INPP4B: variants seen among roughly 807,000 people sequenced by gnomAD.
INPP4B encodes inositol polyphosphate 4-phosphatase type II.
INPP4B carries 55 observed loss-of-function variants against 122.5 expected under a neutral mutation model. The ratio of observed to expected loss-of-function variants is 0.45; its 90% CI spans 0.36 to 0.56. The LOEUF is 0.56. Ranked by LOEUF, INPP4B falls within the 20% of genes least tolerant of loss-of-function variation. The pLI is 0.00. For synonymous variants in INPP4B, 403 were observed against 388.7 expected, an observed-to-expected ratio of 1.04 and a Z score of -0.43; for missense variants, 1,000 against 1,097.7, an observed-to-expected ratio of 0.91 and a Z score of 1.26.
At chr4:142,834,145 T>A (rs971183104) in intron 1 of INPP4B, among the ~76,000 whole-genome samples, 1 of 152,186 alleles carries the variant, frequency 6.6e-6, no homozygotes, top group African/African-American at 2.4e-5. Flanking sequence ...GATATTTTTA[T>A]GTGGTTTTAC....
intron 9 of INPP4B, among the ~76,000 whole-genome samples, chr4:142,275,855 T>G (rs191209308): frequency 6.6e-6 from 1 of 151,692 alleles, no homozygotes; most frequent in African/African-American, 2.4e-5. Flanking sequence ...TTAACTCTCC[T>G]TTTATGAAGA....
chr4:142,623,168 T>C (rs187911573), intron 2 of INPP4B, among the ~76,000 whole-genome samples: 3 of 151,954 alleles, frequency 2.0e-5, no homozygotes, highest in Non-Finnish European at 4.4e-5. Context: ...GTCGCAAATA[T>C]ACACAGAGTC....
chr4:142,417,807 G>T (rs540268518), intron 5 of INPP4B, among the ~76,000 whole-genome samples: 1 of 152,208 alleles, frequency 6.6e-6, no homozygotes, highest in Non-Finnish European at 1.5e-5. Context: ...TCTCAGGCTG[G>T]CAGTCCAAAT....
At chr4:142,191,397 C>T (rs1267485910) in intron 15 of INPP4B, among the ~76,000 whole-genome samples, 1 of 152,132 alleles carries the variant, frequency 6.6e-6, no homozygotes, top group East Asian at 1.9e-4. Flanking sequence ...AAATGTCATG[C>T]TCCTCCCCCA....
chr4:142,171,890 T>A (rs1273239664), intron 16 of INPP4B, among the ~76,000 whole-genome samples: 1 of 151,726 alleles, frequency 6.6e-6, no homozygotes, highest in African/African-American at 2.4e-5. Context: ...AAATGACAAA[T>A]CCCTGCCCAG....
At chr4:142,331,448 G>T (rs185375979) in intron 7 of INPP4B, among the ~76,000 whole-genome samples, 2 of 152,114 alleles carry the variant, frequency 1.3e-5, no homozygotes, top group Non-Finnish European at 2.9e-5. Flanking sequence ...CTGGCATAGG[G>T]ATCAGGTCCA....
At chr4:142,310,527 T>A (rs1046297651) in intron 8 of INPP4B, among the ~76,000 whole-genome samples, 2 of 152,178 alleles carry the variant, frequency 1.3e-5, no homozygotes, top group African/African-American at 4.8e-5. Flanking sequence ...AATATATCAA[T>A]AATATTTTGA....
chr4:142,086,023 C>A, intron 24 of INPP4B, 121 bp downstream of exon 24: 1 of 689,066 alleles, frequency 1.5e-6, no homozygotes, highest in Admixed American at 2.6e-5. Context: ...AATCCATGGA[C>A]TAATAGAAGA....
At chr4:142,348,676 G>A (rs1419311316) in intron 7 of INPP4B, among the ~76,000 whole-genome samples, 2 of 152,052 alleles carry the variant, frequency 1.3e-5, no homozygotes, top group African/African-American at 4.8e-5. Flanking sequence ...CTCCAAGGCT[G>A]CAAACTAGAA....
Position 142,717,032 on chromosome 4 carries a change from T to G in INPP4B, c.-191+8807A>C, listed in dbSNP as rs553637841. On this transcript the variant is annotated intron_variant, in intron 2 of 25. Transcript: ENST00000262992. ...TCTTATTATTTCTATTTTCTAGTTT[T>G]GTCTTCATAATAACCCTAGGTATGA... Among the ~76,000 whole-genome samples, 15 of 152,368 alleles carry G rather than the reference T, an allele frequency of 9.8e-5. No homozygotes were observed. The East Asian group carries it at 2.9e-3, about 29-fold the overall frequency.
intron 2 of INPP4B, among the ~76,000 whole-genome samples, chr4:142,608,744 G>A (rs1160344635): frequency 6.6e-6 from 1 of 152,134 alleles, no homozygotes; most frequent in Non-Finnish European, 1.5e-5. Flanking sequence ...TCTCAACAGA[G>A]TCTGCTGCCT....
At chr4:142,556,693 C>A (rs1250690984) in intron 2 of INPP4B, among the ~76,000 whole-genome samples, 2 of 147,624 alleles carry the variant, frequency 1.4e-5, no homozygotes, top group Non-Finnish European at 3.0e-5. Flanking sequence ...TGATTTCCTG[C>A]TGATGTGTTA....
chr4:142,784,541 G>T (rs980384612), intron 1 of INPP4B, among the ~76,000 whole-genome samples: 14 of 151,956 alleles, frequency 9.2e-5, no homozygotes, highest in African/African-American at 3.1e-4. Context: ...TGGAGCAAAA[G>T]CTGCTGGAGC....
intron 2 of INPP4B, among the ~76,000 whole-genome samples, chr4:142,508,473 C>T (rs1474825479): frequency 6.6e-6 from 1 of 152,118 alleles, no homozygotes; most frequent in African/African-American, 2.4e-5. Context: ...TGGGTTTTCA[C>T]CATGTTGGCC....
chr4:142,507,074 C>T (rs529848524), intron 2 of INPP4B, among the ~76,000 whole-genome samples: 5 of 152,146 alleles, frequency 3.3e-5, no homozygotes, highest in African/African-American at 1.2e-4. Context: ...CATGATCCTG[C>T]TACCATAATG....
At chr4:142,575,176 C>A (rs1733586711) in intron 2 of INPP4B, among the ~76,000 whole-genome samples, 1 of 151,618 alleles carries the variant, frequency 6.6e-6, no homozygotes. Context: ...AGTCCCAAAT[C>A]CAATTTGACC....
intron 1 of INPP4B, among the ~76,000 whole-genome samples, chr4:142,827,078 C>A (rs79409651): frequency 2.6e-4 from 39 of 152,256 alleles, no homozygotes; most frequent in Middle Eastern, 3.4e-3. Context: ...ACTTTCTAGG[C>A]CTGTTGTTTG....
At chr4:142,441,830 TTA>T (rs1491393181) in intron 3 of INPP4B, among the ~76,000 whole-genome samples, 1 of 148,766 alleles carries the variant, frequency 6.7e-6, no homozygotes. Flanking sequence ...TTTTTTTTTT[TTA>T]ATAATTGGGA....
In INPP4B at chr4:142,043,667, TTC is replaced by T. The variant is rs567102195; in HGVS notation, c.2643-14755_2643-14754del. The stretch of plus-strand genomic sequence containing the variant: ...AAGGAAAATTAAATGCTAGGATATT[TTC>T]TGTTTCTTATCTATTTTATACATTT... On this transcript the variant is annotated intron_variant, in intron 25 of 25. Transcript: ENST00000262992. Among the ~76,000 whole-genome samples, 95 of 152,328 alleles carry T rather than the reference TTC, an allele frequency of 6.2e-4. 4 individuals carry two copies. The South Asian group carries it at 0.019, about 30-fold the overall frequency.
Sources: gnomAD v4.1 joint callset for allele counts (sites outside exome capture counted in the v4.1 genomes callset) on GRCh38, gnomAD v4.1.1 for gene constraint, MANE v1.5 for transcripts, NCBI Gene and HGNC (gene_info 2026-07-23, HGNC 2026-07-21) for gene names.